Variants in AKAP6 observed in about 807,000 individuals in gnomAD.
AKAP6 encodes A-kinase anchor protein 6.
In AKAP6, 58 loss-of-function variants were observed where a neutral mutation model predicts 188.5. The ratio of observed to expected loss-of-function variants is 0.31; its 90% CI spans 0.25 to 0.38. The LOEUF is 0.38. Among genes scored for constraint, AKAP6 ranks in the 10% least tolerant of loss-of-function variants. The pLI is 1.00. For synonymous variants in AKAP6, 989 were observed against 998.6 expected, an observed-to-expected ratio of 0.99 and a Z score of 0.18; for missense variants, 2,710 against 2,740.0, an observed-to-expected ratio of 0.99 and a Z score of 0.24.
chr14:32,341,456 A>T (rs1389576904), intron 1 of AKAP6, among the ~76,000 whole-genome samples: 1 of 152,200 alleles, frequency 6.6e-6, no homozygotes, highest in Non-Finnish European at 1.5e-5. Context: ...TTATCATAGC[A>T]ATGTTAGTCT....
chr14:32,706,581 C>T (rs912839315), intron 9 of AKAP6, among the ~76,000 whole-genome samples: 1 of 152,118 alleles, frequency 6.6e-6, no homozygotes, highest in Non-Finnish European at 1.5e-5. Flanking sequence ...ATATCATTTG[C>T]AGAAAAACCA....
At chr14:32,344,632 A>C (rs551560451) in intron 1 of AKAP6, among the ~76,000 whole-genome samples, 2 of 152,102 alleles carry the variant, frequency 1.3e-5, no homozygotes, top group Non-Finnish European at 2.9e-5. Flanking sequence ...ATACATAAGG[A>C]GGCCTGGACG....
chr14:32,430,983 T>C (rs1890201895), intron 1 of AKAP6, among the ~76,000 whole-genome samples: 1 of 151,898 alleles, frequency 6.6e-6, no homozygotes, highest in Non-Finnish European at 1.5e-5. Flanking sequence ...CAGGCACCTG[T>C]AGACCCAGCT....
rs377685887 is a variant in AKAP6, at chr14:32,823,401, G to A, written c.5588G>A (p.Gly1863Asp). The change falls in exon 13 of 14, where the codon GGT becomes GAT. Residue 1863 changes from glycine to aspartate, a missense_variant. This residue lies in a region of AKAP6 where 2,473 missense variants were observed against 2,426.1 expected (regional missense o/e 1.02). Transcript: ENST00000280979. ...CGTGTCTCTGAAAATAATGGAAATG[G>A]TAAGAATTCATCTCATACCCATGAG... Reference protein sequence around the residue: ...VKRVSENNGNGKNSSHTHELG... With the variant: ...VKRVSENNGNDKNSSHTHELG... The A allele has an allele frequency of 1.9e-6, 3 of 1,613,594 alleles. No homozygotes were observed. The highest frequency in any genetic ancestry group is 1.7e-6 in the Non-Finnish European group (2 of 1,179,888).
At chr14:32,579,061 C>G (rs772700105) in intron 5 of AKAP6, among the ~76,000 whole-genome samples, 56 of 152,248 alleles carry the variant, frequency 3.7e-4, no homozygotes, top group Admixed American at 9.8e-4. Flanking sequence ...GCTAATGCAA[C>G]TGAAGAAATG....
chr14:32,358,677 A>G (rs1887559871), intron 1 of AKAP6, among the ~76,000 whole-genome samples: 1 of 152,076 alleles, frequency 6.6e-6, no homozygotes, highest in African/African-American at 2.4e-5. Context: ...CAGGTTGTAG[A>G]TGGGCTTGCT....
At chr14:32,721,977 C>G (rs571519027) in intron 9 of AKAP6, among the ~76,000 whole-genome samples, 1 of 152,262 alleles carries the variant, frequency 6.6e-6, no homozygotes, top group African/African-American at 2.4e-5. Flanking sequence ...GAATGGGAAC[C>G]CACTATCTCT....
In AKAP6 at chr14:32,600,804, G is replaced by A. The variant is rs757591207; in HGVS notation, c.2730+12G>A. 3 of 1,588,454 alleles carry A rather than the reference G, an allele frequency of 1.9e-6. No individual in the cohort carries two copies. In the South Asian group the frequency reaches 3.5e-5, roughly 18 times the overall value. On this transcript the variant is annotated intron_variant, in intron 7 of 13. Coordinates refer to ENST00000280979, the MANE Select transcript of AKAP6 (RefSeq NM_004274.5). ...CTGGAAGCCCCAAGGTAAGTGGCTT[G>A]AAGTTTGCCTTATTTCCTCTTATTT...
intron 2 of AKAP6, among the ~76,000 whole-genome samples, chr14:32,470,950 T>C (rs923003753): frequency 3.9e-5 from 6 of 152,172 alleles, no homozygotes; most frequent in African/African-American, 1.4e-4. Context: ...CTAAGACCTT[T>C]AATCCATCTA....
chr14:32,642,756 T>G (rs979947520), intron 7 of AKAP6, among the ~76,000 whole-genome samples: 36 of 152,308 alleles, frequency 2.4e-4, no homozygotes, highest in African/African-American at 7.7e-4. Flanking sequence ...TGAGAATATG[T>G]AGAGATATAT....
At chr14:32,673,868 A>G (rs985350347) in intron 7 of AKAP6, among the ~76,000 whole-genome samples, 1 of 152,200 alleles carries the variant, frequency 6.6e-6, no homozygotes, top group African/African-American at 2.4e-5. Flanking sequence ...GACAGAAACA[A>G]TCCTTTATGG....
chr14:32,580,678 T>A (rs1004153635), intron 5 of AKAP6, among the ~76,000 whole-genome samples: 7 of 152,152 alleles, frequency 4.6e-5, no homozygotes, highest in Non-Finnish European at 8.8e-5. Context: ...GCATTAGGTA[T>A]ATCTCCTAAT....
intron 7 of AKAP6, among the ~76,000 whole-genome samples, chr14:32,626,452 G>A (rs1414219415): frequency 6.6e-6 from 1 of 151,974 alleles, no homozygotes; most frequent in Non-Finnish European, 1.5e-5. Context: ...CAGAAGCCTT[G>A]CCAATGAATA....
At chr14:32,420,108 A>G (rs1220899671) in intron 1 of AKAP6, among the ~76,000 whole-genome samples, 1 of 152,080 alleles carries the variant, frequency 6.6e-6, no homozygotes, top group African/African-American at 2.4e-5. Flanking sequence ...TAAATCATAT[A>G]ATTCTGAGGT....
intron 11 of AKAP6, among the ~76,000 whole-genome samples, chr14:32,745,363 G>T (rs929668923): frequency 6.6e-6 from 1 of 151,014 alleles, no homozygotes; most frequent in East Asian, 2.0e-4. Flanking sequence ...AGAGGTACTG[G>T]CTTGATGGTC....
chr14:32,456,845 A>G (rs1891160150), intron 2 of AKAP6, among the ~76,000 whole-genome samples: 1 of 152,214 alleles, frequency 6.6e-6, no homozygotes. Context: ...CTTACCCAAG[A>G]GGAGGGAATT....
rs1297592923 is a variant in AKAP6 at position 32,568,239 on chromosome 14, A to G, written c.2347-8881A>G. ...GGACTTTGTGGGAACAAATCTGGTTAGAGAGAGAATATAGCACAGTAGTCC... is the reference window on the plus strand; with the variant it reads ...GGACTTTGTGGGAACAAATCTGGTTGGAGAGAGAATATAGCACAGTAGTCC... On this transcript the variant is annotated intron_variant, in intron 4 of 13. Coordinates refer to ENST00000280979, the MANE Select transcript of AKAP6 (RefSeq NM_004274.5). This position sits in a 1 kb window ranked among gnomAD's most constrained non-coding sequence, Gnocchi z 6.2. Among the ~76,000 whole-genome samples the G allele has an allele frequency of 2.0e-5, 3 of 152,180 alleles. No individual in the cohort carries two copies. Among genetic ancestry groups the G allele is most frequent in the Non-Finnish European group, 4.4e-5 (3 of 68,032 alleles).
intron 1 of AKAP6, among the ~76,000 whole-genome samples, chr14:32,382,988 A>G (rs1888416985): frequency 6.6e-6 from 1 of 152,072 alleles, no homozygotes. Context: ...CCAGAGCCCT[A>G]CAACCCCTGG....
At chr14:32,528,451 T>C (rs1882242048) in intron 2 of AKAP6, among the ~76,000 whole-genome samples, 1 of 152,194 alleles carries the variant, frequency 6.6e-6, no homozygotes, top group African/African-American at 2.4e-5. Flanking sequence ...TCTATTGTGT[T>C]GCCTTTGCTC....
Sources: allele counts gnomAD v4.1 joint callset (sites outside exome capture counted in the v4.1 genomes callset), GRCh38; gene constraint gnomAD v4.1.1; regional missense constraint gnomAD v4.1.1; non-coding constraint Gnocchi (gnomAD v3.1); transcripts MANE v1.5; gene names NCBI Gene and HGNC (gene_info 2026-07-23, HGNC 2026-07-21).